STRBP: variants seen among roughly 807,000 people sequenced by gnomAD.
The protein encoded by STRBP is spermatid perinuclear RNA binding protein, also known as spermatid perinuclear RNA-binding protein.
Under a neutral mutation model 80.1 loss-of-function variants are expected in STRBP, and 13 were observed. The observed-to-expected ratio is 0.16, with a 90% CI of 0.11 to 0.26. The LOEUF (loss-of-function observed/expected upper bound fraction) is 0.26, where lower values mean the gene tolerates loss of function less well. Ranked by LOEUF, STRBP falls within the 10% of genes least tolerant of loss-of-function variation. STRBP has a pLI of 1.00. For synonymous variants in STRBP, 284 were observed against 291.2 expected, an observed-to-expected ratio of 0.98 and a Z score of 0.25; for missense variants, 485 against 815.2, an observed-to-expected ratio of 0.59 and a Z score of 4.93.
chr9:123,220,870 A>C (rs1321884200), intron 2 of STRBP, among the ~76,000 whole-genome samples: 1 of 152,230 alleles, frequency 6.6e-6, no homozygotes, highest in Non-Finnish European at 1.5e-5. Context: ...TCCAAGTTGC[A>C]GAGCTAGTAC....
intron 2 of STRBP, among the ~76,000 whole-genome samples, chr9:123,223,046 AGAT>A (rs1267810650): frequency 2.8e-5 from 4 of 143,112 alleles, no homozygotes; most frequent in East Asian, 2.1e-4. Context: ...TCAGATAGAT[AGAT>A]GATAGATAGA....
chr9:123,210,211 T>C (rs2132531007), intron 2 of STRBP, among the ~76,000 whole-genome samples: 1 of 151,658 alleles, frequency 6.6e-6, no homozygotes, highest in South Asian at 2.1e-4. Context: ...GCATCGAAAA[T>C]GAGAAAAACA....
At chr9:123,173,171 T>C (rs1483504197) in intron 5 of STRBP, among the ~76,000 whole-genome samples, 1 of 152,132 alleles carries the variant, frequency 6.6e-6, no homozygotes, top group Non-Finnish European at 1.5e-5. Flanking sequence ...TCTAAATGCA[T>C]CCCAGTGTAA....
intron 3 of STRBP, chr9:123,181,066 A>T: frequency 3.4e-6 from 1 of 291,734 alleles, no homozygotes; most frequent in Non-Finnish European, 5.1e-6. Flanking sequence ...CTTTGGTTGA[A>T]AAGGTAATCA....
At chr9:123,150,238 C>T (rs2036994574) in intron 11 of STRBP, among the ~76,000 whole-genome samples, 1 of 152,116 alleles carries the variant, frequency 6.6e-6, no homozygotes, top group East Asian at 1.9e-4. Flanking sequence ...AAGAGCCAGG[C>T]AGTAGTTCTC....
At position 123,158,379 on chromosome 9, in the gene STRBP, T is replaced by A; in HGVS notation, c.886A>T (p.Ser296Cys). The change falls in exon 10 of 19, where the codon AGC (serine) becomes TGC (cysteine). Residue 296 changes from serine (S) to cysteine (C), a missense_variant. Ser to Cys is a moderately radical substitution (Grantham distance 112). Coordinates refer to ENST00000348403, the MANE Select transcript of STRBP (RefSeq NM_018387.5). ...TCTTTTTGCTGGATGGTCATATAGC[T>A]CAGAGCATCTGTTGGGTCTCGCTCA... ...PCERDPTDAL[S>C]YMTIQQKEDI... The A allele has an allele frequency of 6.2e-7, 1 of 1,613,686 alleles. No individual in the cohort carries two copies. Among genetic ancestry groups the A allele is most frequent in the Non-Finnish European group, 8.5e-7 (1 of 1,179,694 alleles).
At chr9:123,158,202 C>T in intron 10 of STRBP, 79 bp from the exon 11 acceptor site, 1 of 1,477,474 alleles carries the variant, frequency 6.8e-7, no homozygotes, top group Admixed American at 1.7e-5. Context: ...TAAAAAGACA[C>T]TCATAAATTC....
At chr9:123,147,659 C>G in intron 12 of STRBP, 119 bp downstream of exon 12, 1 of 794,230 alleles carries the variant, frequency 1.3e-6, no homozygotes, top group Non-Finnish European at 1.8e-6. Flanking sequence ...GTCTCAGTGA[C>G]AGAATGAGAA....
At chr9:123,157,751 C>T (rs906127432) in intron 11 of STRBP, among the ~76,000 whole-genome samples, 4 of 151,966 alleles carry the variant, frequency 2.6e-5, no homozygotes, top group African/African-American at 9.7e-5. Context: ...ACTATCACAA[C>T]AACAGCATGG....
intron 1 of STRBP, among the ~76,000 whole-genome samples, chr9:123,252,025 T>A (rs2040928168): frequency 6.6e-6 from 1 of 151,006 alleles, no homozygotes; most frequent in Admixed American, 6.6e-5. Context: ...CATAGCACCA[T>A]CTATTTTTTT....
At chr9:123,242,575 G>A (rs892400160) in intron 1 of STRBP, among the ~76,000 whole-genome samples, 4 of 152,098 alleles carry the variant, frequency 2.6e-5, no homozygotes, top group East Asian at 1.9e-4. Context: ...CAGGAGAATC[G>A]CTTGAACCCA....
At chr9:123,120,506 G>A (rs13296585), downstream of STRBP, among the ~76,000 whole-genome samples, 1 of 89,554 alleles carries the variant, frequency 1.1e-5, no homozygotes, top group Non-Finnish European at 2.4e-5. Flanking sequence ...GGGGGGGGCA[G>A]GGGCGGGGAA....
intron 2 of STRBP, among the ~76,000 whole-genome samples, chr9:123,188,379 G>A (rs1564280870): frequency 6.6e-6 from 1 of 152,072 alleles, no homozygotes; most frequent in South Asian, 2.1e-4. Flanking sequence ...GGTGGCTCAC[G>A]TCTGTTAATC....
chr9:123,184,310 G>A lies in STRBP; in HGVS notation c.-164-12C>T, dbSNP rs2038610575. 2.1e-6 allele frequency: 1 copy of A among 485,520 alleles called. No homozygotes were observed. The allele number at this position is 485,520 out of a possible 1,614,324, so 30.1% of individuals were successfully genotyped here. A position where few individuals can be genotyped will look rare whatever the true frequency, so the allele number is the denominator to read the frequency against. ...TCTCTGGAACACACCTGCAAGAGAA[G>A]AGGAAAACAACTTCAAAAATGCTTA... On this transcript the variant is annotated splice_polypyrimidine_tract_variant and intron_variant, in intron 2 of 18. Coordinates refer to ENST00000348403, the MANE Select transcript of STRBP (RefSeq NM_018387.5).
intron 11 of STRBP, among the ~76,000 whole-genome samples, chr9:123,155,559 G>C (rs1253338776): frequency 6.6e-6 from 1 of 152,118 alleles, no homozygotes; most frequent in Non-Finnish European, 1.5e-5. Flanking sequence ...GGGAGAACAC[G>C]AGGAGGATGA....
chr9:123,132,232 C>T (rs1398738690), intron 17 of STRBP, among the ~76,000 whole-genome samples: 1 of 152,164 alleles, frequency 6.6e-6, no homozygotes, highest in African/African-American at 2.4e-5. Flanking sequence ...GCTGCCTTAT[C>T]TCCCTAAATA....
At chr9:123,222,662 G>A (rs1334829072) in intron 2 of STRBP, among the ~76,000 whole-genome samples, 1 of 152,144 alleles carries the variant, frequency 6.6e-6, no homozygotes, top group Non-Finnish European at 1.5e-5. Flanking sequence ...CCTTGGAAAG[G>A]CATACTCTTC....
intron 1 of STRBP, among the ~76,000 whole-genome samples, chr9:123,246,139 A>G (rs2040795488): frequency 1.3e-5 from 2 of 152,234 alleles, no homozygotes; most frequent in South Asian, 2.1e-4. Flanking sequence ...AATCAAAAGG[A>G]AAGATTTAAA....
chr9:123,138,731 G>A (rs948687542), intron 14 of STRBP, among the ~76,000 whole-genome samples: 1 of 152,052 alleles, frequency 6.6e-6, no homozygotes, highest in African/African-American at 2.4e-5. Context: ...TTTTAGCCTG[G>A]GAGCATCTCC....
Sources: allele counts gnomAD v4.1 joint callset (sites outside exome capture counted in the v4.1 genomes callset), GRCh38; gene constraint gnomAD v4.1.1; transcripts MANE v1.5; gene names NCBI Gene and HGNC (gene_info 2026-07-23, HGNC 2026-07-21).